CIB1: variants seen among roughly 807,000 people sequenced by gnomAD.
CIB1 encodes the protein calcium and integrin-binding protein 1.
A neutral mutation model predicts 25.0 loss-of-function variants in CIB1; 19 were observed. That is an observed-to-expected ratio of 0.76 (90% CI 0.53 to 1.12). The LOEUF is 1.12. Among genes scored for constraint, CIB1 ranks in the 50% most tolerant of loss-of-function variants. The pLI is 0.00. For synonymous variants in CIB1, 104 were observed against 98.5 expected, an observed-to-expected ratio of 1.06 and a Z score of -0.33; for missense variants, 236 against 242.6, an observed-to-expected ratio of 0.97 and a Z score of 0.18.
the CIB1 span, among the ~76,000 whole-genome samples, chr15:90,261,083 CTTT>C: frequency 2.1e-5 from 3 of 140,916 alleles, no homozygotes; most frequent in Non-Finnish European, 3.1e-5. Context: ...TTCTTGTTTT[CTTT>C]TTTTTTTTTT....
intron 6 of CIB1, 30 bp downstream of exon 6, chr15:90,230,904 A>G (rs1361170366): frequency 6.3e-7 from 1 of 1,581,968 alleles, no homozygotes; most frequent in Non-Finnish European, 8.7e-7. Flanking sequence ...ACCTGCAGGT[A>G]CCCAGAATGA....
the CIB1 span, chr15:90,262,688 C>T: frequency 4.1e-6 from 6 of 1,459,112 alleles, no homozygotes; most frequent in African/African-American, 8.6e-5. Flanking sequence ...GGTTTTGTAG[C>T]TCTTATCTTT....
upstream of CIB1, among the ~76,000 whole-genome samples, chr15:90,238,967 T>C (rs1962690753): frequency 6.6e-6 from 1 of 152,158 alleles, no homozygotes; most frequent in Non-Finnish European, 1.5e-5. Context: ...ACCTGAGCCA[T>C]GGACCTACTC....
chr15:90,241,343 T>A, the CIB1 span: 6 of 1,614,198 alleles, frequency 3.7e-6, no homozygotes, highest in Non-Finnish European at 5.1e-6. Flanking sequence ...CTGATCTCCC[T>A]GGGACTCTGC....
the CIB1 span, chr15:90,255,629 C>T: frequency 1.5e-6 from 2 of 1,374,278 alleles, no homozygotes; most frequent in Non-Finnish European, 2.0e-6. Context: ...GTCCTTGGTG[C>T]AGTGCTTACC....
At chr15:90,262,293 G>A in the CIB1 span, 1 of 1,281,738 alleles carries the variant, frequency 7.8e-7, no homozygotes, top group South Asian at 1.6e-5. Flanking sequence ...CCAGCAAAGA[G>A]GAATGGAGCT....
chr15:90,265,308 C>A, the CIB1 span: 2 of 1,210,468 alleles, frequency 1.7e-6, no homozygotes, highest in African/African-American at 1.6e-5. Flanking sequence ...GAGCCCCTTT[C>A]CCAGAGAAGC....
rs749922218 is a variant in CIB1 at position 90,232,290 on chromosome 15, G to C, written c.124C>G (p.Gln42Glu). Residue 42 changes from glutamine to glutamate, a missense_variant, in exon 3 of 7, where the codon CAG becomes GAG. Coordinates refer to ENST00000328649, the MANE Select transcript of CIB1 (RefSeq NM_006384.4). The part of the protein sequence containing the change: ...RRFCELLPQE[Q>E]RSVESSLRAQ... ...CGAAGTGACGACTCCACGCTCCGCT[G>C]CTCCTGGGGAAGCAGCTCACAAAAC... The C allele has an allele frequency of 2.5e-6, 4 of 1,611,738 alleles. No individual in the cohort carries two copies. Among genetic ancestry groups the C allele is most frequent in the Non-Finnish European group, 3.4e-6 (4 of 1,178,382 alleles).
At chr15:90,256,602 TTTC>T in the CIB1 span, among the ~76,000 whole-genome samples, 6 of 29,124 alleles carry the variant, frequency 2.1e-4, no homozygotes, top group Admixed American at 9.7e-4. Context: ...TCTTTCTTTC[TTTC>T]TTTCCTTCCT....
At chr15:90,239,062 G>A in the CIB1 span, among the ~76,000 whole-genome samples, 7 of 152,166 alleles carry the variant, frequency 4.6e-5, no homozygotes, top group Non-Finnish European at 8.8e-5. Flanking sequence ...TGTATAGGAT[G>A]TTCATTGCCA....
the CIB1 span, chr15:90,243,672 A>G: frequency 5.5e-5 from 3 of 54,718 alleles, no homozygotes. Context: ...TTTTTTTTTG[A>G]CACAGGGTCA....
the CIB1 span, chr15:90,258,198 A>T: frequency 2.5e-6 from 4 of 1,614,272 alleles, no homozygotes; most frequent in Non-Finnish European, 3.4e-6. Flanking sequence ...GAATGGAGGT[A>T]CATGTGCCTG....
At chr15:90,234,768 C>A (rs1175661161), upstream of CIB1, among the ~76,000 whole-genome samples, 1 of 152,172 alleles carries the variant, frequency 6.6e-6, no homozygotes, top group African/African-American at 2.4e-5. Context: ...TCCATCTCAC[C>A]CCTAGACTGC....
At chr15:90,236,334 G>A (rs1567071115), upstream of CIB1, among the ~76,000 whole-genome samples, 1 of 152,312 alleles carries the variant, frequency 6.6e-6, no homozygotes, top group East Asian at 1.9e-4. Context: ...ACTGCACCCA[G>A]CCATAAGTAT....
At chr15:90,242,210 C>A in the CIB1 span, 1 of 536,082 alleles carries the variant, frequency 1.9e-6, no homozygotes, top group Admixed American at 3.5e-5. Flanking sequence ...ACCTCAGCCT[C>A]TTGAGTAGCT....
At chr15:90,238,425 C>T (rs1163747620), upstream of CIB1, 1 of 152,208 alleles carries the variant, frequency 6.6e-6, no homozygotes, top group African/African-American at 2.4e-5. Context: ...ACTCATTAAA[C>T]TTAGCTTGAC....
the CIB1 span, chr15:90,243,670 T>G: frequency 2.1e-5 from 2 of 96,240 alleles, no homozygotes; most frequent in African/African-American, 4.0e-5. Context: ...TTTTTTTTTT[T>G]GACACAGGGT....
the CIB1 span, chr15:90,245,181 A>C: frequency 6.6e-6 from 1 of 152,240 alleles, no homozygotes; most frequent in African/African-American, 2.4e-5. Flanking sequence ...CCATTTTATA[A>C]GAAAAACAGT....
the CIB1 span, chr15:90,249,950 T>A: frequency 7.0e-6 from 1 of 143,738 alleles, no homozygotes; most frequent in South Asian, 2.1e-4. Context: ...TATTTTATTT[T>A]ATTTATTTAT....
Sources: gnomAD v4.1 joint callset for allele counts (sites outside exome capture counted in the v4.1 genomes callset) on GRCh38, gnomAD v4.1.1 for gene constraint, MANE v1.5 for transcripts, NCBI Gene and HGNC (gene_info 2026-07-23, HGNC 2026-07-21) for gene names.